Variants in DTWD1 observed in about 807,000 individuals in gnomAD.
The protein encoded by DTWD1 is DTW motif tRNA-uridine aminocarboxypropyltransferase 1.
A neutral mutation model predicts 30.2 loss-of-function variants in DTWD1; 27 were observed. The observed-to-expected ratio is 0.90, with a 90% CI of 0.66 to 1.23. The LOEUF is 1.23. Ranked by LOEUF, DTWD1 falls within the 50% of genes most tolerant of loss-of-function variation. DTWD1 has a pLI of 0.00. For missense variants in DTWD1, 342 were observed against 348.8 expected (o/e 0.98, Z 0.15); for synonymous variants, 99 against 113.1 (o/e 0.88, Z 0.79).
In DTWD1 at chr15:49,648,032, G is replaced by A. The variant is rs1435598551; in HGVS notation, c.*4454G>A. 6.6e-6 allele frequency: 1 copy of A among 152,056 alleles called. No homozygotes were observed. Among genetic ancestry groups the A allele is most frequent in the Non-Finnish European group, 1.5e-5 (1 of 67,994 alleles). The allele number at this position is 152,056 out of a possible 1,614,324, so 9.4% of individuals were successfully genotyped here. A position where few individuals can be genotyped will look rare whatever the true frequency, so the allele number is the denominator to read the frequency against. ...TTAAAAGTTGTAAATGCAACCATAGGCTACATGTTACATTGTATTTAATTA... is the reference window on the plus strand; with the variant it reads ...TTAAAAGTTGTAAATGCAACCATAGACTACATGTTACATTGTATTTAATTA... On this transcript the variant is annotated 3_prime_UTR_variant, in exon 5 of 5. Coordinates refer to ENST00000403028, the MANE Select transcript of DTWD1 (RefSeq NM_001144955.2).
At chr15:49,628,596 A>G (rs894983111) in intron 2 of DTWD1, among the ~76,000 whole-genome samples, 1 of 152,168 alleles carries the variant, frequency 6.6e-6, no homozygotes, top group African/African-American at 2.4e-5. Flanking sequence ...CCATGGGAAA[A>G]TGCTTAGGTC....
At position 49,643,875 on chromosome 15, in the gene DTWD1, A is replaced by G; in HGVS notation, c.*297A>G. ...TCTGTGATTAGATATAACATATTCC[A>G]TTAGATCTAATTAGCTATTTATTTC... On this transcript the variant is annotated 3_prime_UTR_variant, in exon 5 of 5. Transcript: ENST00000403028. 2 of 189,578 alleles carry G rather than the reference A, an allele frequency of 1.1e-5. No homozygotes were observed. 11.7% of individuals were successfully genotyped at this position (189,578 alleles called of 1,614,324 possible).
rs1249965997 is a variant in DTWD1 at position 49,649,674 on chromosome 15, G to T, written c.*6096G>T. The T allele has an allele frequency of 6.6e-6, 1 of 152,340 alleles. No individual in the cohort carries two copies. Among genetic ancestry groups the T allele is most frequent in the African/African-American group, 2.4e-5 (1 of 41,442 alleles). The allele number at this position is 152,340 out of a possible 1,614,324, so 9.4% of individuals were successfully genotyped here. On this transcript the variant is annotated 3_prime_UTR_variant, in exon 5 of 5. Coordinates refer to ENST00000403028, the MANE Select transcript of DTWD1 (RefSeq NM_001144955.2). Reference sequence around the variant, plus strand: ...ATCACTTAGAACCTGGGAGGCAGAAGTTGTAGTGAGCCGAGATGGTGCCAT... The same window carrying T: ...ATCACTTAGAACCTGGGAGGCAGAATTTGTAGTGAGCCGAGATGGTGCCAT...
In DTWD1 at chr15:49,625,300, G is replaced by A. The variant is rs780841031; in HGVS notation, c.133G>A (p.Glu45Lys). 6.2e-6 allele frequency: 10 copies of A among 1,613,640 alleles called. No homozygotes were observed. Among genetic ancestry groups the A allele is most frequent in the Non-Finnish European group, 7.6e-6 (9 of 1,179,802 alleles). ...PLQNLCLASQ[E>K]VLQKAQQSGR... is the part of the protein sequence containing the mutation. ...TCAAAACTTATGTTTAGCATCTCAAGAAGTTCTTCAAAAAGCTCAGCAAAG... is the reference window on the plus strand; with the variant it reads ...TCAAAACTTATGTTTAGCATCTCAAAAAGTTCTTCAAAAAGCTCAGCAAAG... The change falls in exon 2 of 5, where the codon GAA (glutamate) becomes AAA (lysine). Residue 45 changes from glutamate (E) to lysine (K), a missense_variant. Glu to Lys is a moderately conservative substitution (Grantham distance 56, BLOSUM62 1). Transcript: ENST00000403028.
At chr15:49,624,998 T>A in intron 1 of DTWD1, 115 bp from the exon 2 acceptor site, 1 of 637,874 alleles carries the variant, frequency 1.6e-6, no homozygotes, top group Non-Finnish European at 2.6e-6. Flanking sequence ...AAAACATGTT[T>A]AATAAGTACT....
At chr15:49,630,404 G>A (rs1038537040) in intron 2 of DTWD1, among the ~76,000 whole-genome samples, 1 of 152,246 alleles carries the variant, frequency 6.6e-6, no homozygotes, top group East Asian at 1.9e-4. Context: ...ATTTAGCATG[G>A]GATGGGAACT....
At chr15:49,635,785 C>T (rs150769239) in intron 4 of DTWD1, among the ~76,000 whole-genome samples, 7 of 152,288 alleles carry the variant, frequency 4.6e-5, no homozygotes, top group Admixed American at 1.3e-4. Context: ...TGAGCCACCA[C>T]GCGCAGCCTT....
chr15:49,638,263 T>G (rs2079026228), intron 4 of DTWD1, among the ~76,000 whole-genome samples: 1 of 152,138 alleles, frequency 6.6e-6, no homozygotes, highest in Admixed American at 6.5e-5. Flanking sequence ...CTTTTCAGAG[T>G]GTCCAAATTT....
At chr15:49,628,180 T>C (rs552208855) in intron 2 of DTWD1, among the ~76,000 whole-genome samples, 2 of 152,292 alleles carry the variant, frequency 1.3e-5, no homozygotes, top group African/African-American at 4.8e-5. Flanking sequence ...TTCTTCCACC[T>C]CCACATCTTG....
rs2078688957 is a variant in DTWD1, at chr15:49,621,112, CG to C, written c.-63del. On this transcript the variant is annotated 5_prime_UTR_variant, in exon 1 of 5. Transcript: ENST00000403028. ...ACGTGTGGAGCTGTTCGAGGACTCG[CG>C]GGTGTGCAGGTCTGAGTACCACTCC... The C allele has an allele frequency of 6.6e-6, 1 of 152,378 alleles. No individual in the cohort carries two copies. Among genetic ancestry groups the C allele is most frequent in the Non-Finnish European group, 1.5e-5 (1 of 68,226 alleles). 9.4% of individuals were successfully genotyped at this position (152,378 alleles called of 1,614,324 possible). A position where few individuals can be genotyped will look rare whatever the true frequency, so the allele number is the denominator to read the frequency against.
intron 2 of DTWD1, chr15:49,629,749 AGTTGGTT>A (rs1360818102): frequency 2.0e-5 from 3 of 152,174 alleles, no homozygotes; most frequent in African/African-American, 7.2e-5. Context: ...CATAACTAGA[AGTTGGTT>A]TGATGATTAG....
At position 49,647,721 on chromosome 15, in the gene DTWD1, A is replaced by C. The variant is rs918294919; in HGVS notation, c.*4143A>C. The stretch of plus-strand genomic sequence containing the variant: ...ACATAAGAGCCAAACATCACTAGAC[A>C]CTTGGTGAAATCCTTCAAATATAAA... On this transcript the variant is annotated 3_prime_UTR_variant, in exon 5 of 5. Coordinates refer to ENST00000403028, the MANE Select transcript of DTWD1 (RefSeq NM_001144955.2). 1 of 152,136 alleles carries C rather than the reference A, an allele frequency of 6.6e-6. No individual in the cohort carries two copies. The highest frequency in any genetic ancestry group is 1.5e-5 in the Non-Finnish European group (1 of 68,022). 9.4% of individuals were successfully genotyped at this position (152,136 alleles called of 1,614,324 possible). A position where few individuals can be genotyped will look rare whatever the true frequency, so the allele number is the denominator to read the frequency against.
At chr15:49,624,110 T>A (rs908359295) in intron 1 of DTWD1, among the ~76,000 whole-genome samples, 5 of 152,150 alleles carry the variant, frequency 3.3e-5, no homozygotes, top group Admixed American at 6.5e-5. Context: ...GCCACTAACT[T>A]CTTCTCAGCA....
In DTWD1 at chr15:49,645,651, A is replaced by G. The variant is rs947611345; in HGVS notation, c.*2073A>G. ...AACTGGCTTTACAAACCAACTAAAC[A>G]TAACAGTTCAGAGGGAAAAGAAAAA... On this transcript the variant is annotated 3_prime_UTR_variant, in exon 5 of 5. Transcript: ENST00000403028. 4 of 152,078 alleles carry G rather than the reference A, an allele frequency of 2.6e-5. No homozygotes were observed. Among genetic ancestry groups the G allele is most frequent in the African/African-American group, 9.7e-5 (4 of 41,418 alleles). The allele number at this position is 152,078 out of a possible 1,614,324, so 9.4% of individuals were successfully genotyped here. A position where few individuals can be genotyped will look rare whatever the true frequency, so the allele number is the denominator to read the frequency against.
In DTWD1 at chr15:49,643,374, G is replaced by A. The variant is rs1301661084; in HGVS notation, c.711G>A (p.Trp237Ter). The A allele has an allele frequency of 3.2e-6, 5 of 1,556,712 alleles. No homozygotes were observed. In the African/African-American group the frequency reaches 7.3e-5, roughly 23 times the overall value. ...VELKTRKTCF[W>*]RHQKGKPDTF... ...TGAAAACAAGAAAAACTTGCTTTTG[G>A]CGCCATCAAAAAGGAAAGCCAGATA... Residue 237 changes from tryptophan to a stop codon, truncating the protein, a stop_gained, in exon 5 of 5, where the codon TGG (tryptophan) becomes TGA (stop). Coordinates refer to ENST00000403028, the MANE Select transcript of DTWD1 (RefSeq NM_001144955.2). LOFTEE classifies it high-confidence loss of function.
rs538756236 is a variant in DTWD1, at chr15:49,627,435, T to C, written c.264+2004T>C. On this transcript the variant is annotated intron_variant, in intron 2 of 4. Transcript: ENST00000403028. ...ATGAGTAATTCCCTCCCAATTTTAG[T>C]CTAGGGAATGCATTCATAAATATAG... is the stretch of plus-strand genomic sequence containing the variant. Among the ~76,000 whole-genome samples, 13 of 152,296 alleles carry C rather than the reference T, an allele frequency of 8.5e-5. 1 individual carries two copies. The highest frequency in any genetic ancestry group is 2.9e-4 in the African/African-American group (12 of 41,562).
At chr15:49,621,487 T>A (rs749948518) in intron 1 of DTWD1, among the ~76,000 whole-genome samples, 4 of 152,014 alleles carry the variant, frequency 2.6e-5, no homozygotes, top group Non-Finnish European at 4.4e-5. Context: ...TTTGTGGGGG[T>A]TTGGTTATCA....
chr15:49,621,770 G>A (rs1039099505), intron 1 of DTWD1, among the ~76,000 whole-genome samples: 1 of 152,150 alleles, frequency 6.6e-6, no homozygotes, highest in Non-Finnish European at 1.5e-5. Context: ...ACCATATGGC[G>A]GGTGGTGTGG....
chr15:49,623,628 G>A (rs1598637191), intron 1 of DTWD1: 1 of 152,122 alleles, frequency 6.6e-6, no homozygotes, highest in African/African-American at 2.4e-5. Context: ...CAAACCTCCT[G>A]AAATTGTGTG....
Sources: gnomAD v4.1 joint callset for allele counts (sites outside exome capture counted in the v4.1 genomes callset) on GRCh38, gnomAD v4.1.1 for gene constraint, MANE v1.5 for transcripts, NCBI Gene and HGNC (gene_info 2026-07-23, HGNC 2026-07-21) for gene names.